The following WNT7A variants were observed in gnomAD, a reference collection of about 807,000 sequenced individuals.
WNT7A encodes protein Wnt-7a.
WNT7A carries 16 observed loss-of-function variants against 28.2 expected under a neutral mutation model. That is an observed-to-expected ratio of 0.57 (90% CI 0.38 to 0.86). The LOEUF is 0.86. Among genes scored for constraint, WNT7A ranks in the 40% least tolerant of loss-of-function variants. The probability of loss-of-function intolerance (pLI) is 0.00; values close to 1 mark genes in which losing one functional copy is unlikely to be tolerated. For missense variants in WNT7A, 411 were observed against 489.7 expected, an observed-to-expected ratio of 0.84 and a Z score of 1.52; for synonymous variants, 190 against 195.9, an observed-to-expected ratio of 0.97 and a Z score of 0.25.
At chr3:13,873,752 G>T (rs4685046) in intron 2 of WNT7A, among the ~76,000 whole-genome samples, 3 of 152,058 alleles carry the variant, frequency 2.0e-5, no homozygotes, top group Non-Finnish European at 4.4e-5. Flanking sequence ...AGGTCGAAAA[G>T]GTCTAGAAGA....
intron 3 of WNT7A, among the ~76,000 whole-genome samples, chr3:13,826,227 A>C (rs1417644871): frequency 1.3e-5 from 2 of 152,144 alleles, no homozygotes; most frequent in Non-Finnish European, 2.9e-5. Context: ...AGTCCTTGCC[A>C]CCTCTGAGCT....
intron 1 of WNT7A, 83 bp from the exon 2 acceptor site, chr3:13,875,256 G>A: frequency 6.9e-7 from 1 of 1,445,082 alleles, no homozygotes; most frequent in East Asian, 2.3e-5. Context: ...GTCCAGCACT[G>A]GCCACCCCAC....
intron 2 of WNT7A, among the ~76,000 whole-genome samples, chr3:13,856,451 G>A (rs370008609): frequency 1.3e-5 from 2 of 152,200 alleles, no homozygotes; most frequent in Admixed American, 6.5e-5. Context: ...TTTGGGGGTC[G>A]GGAAAGGGTA....
chr3:13,874,917 C>G, intron 2 of WNT7A, 30 bp downstream of exon 2: 1 of 1,610,980 alleles, frequency 6.2e-7, no homozygotes, highest in Non-Finnish European at 8.5e-7. Flanking sequence ...GCCGGTAAGA[C>G]TCTGCGGGGG....
At chr3:13,823,640 G>A (rs1694146033) in intron 3 of WNT7A, among the ~76,000 whole-genome samples, 1 of 152,230 alleles carries the variant, frequency 6.6e-6, no homozygotes, top group Admixed American at 6.5e-5. Context: ...CCACTGGGTT[G>A]CAGGTTAAAG....
At chr3:13,862,259 T>C (rs1694842237) in intron 2 of WNT7A, among the ~76,000 whole-genome samples, 2 of 152,256 alleles carry the variant, frequency 1.3e-5, no homozygotes, top group African/African-American at 4.8e-5. Flanking sequence ...TGACGCCCTC[T>C]GTGGTTCCAG....
At chr3:13,830,327 G>A (rs1266586570) in intron 3 of WNT7A, among the ~76,000 whole-genome samples, 1 of 152,154 alleles carries the variant, frequency 6.6e-6, no homozygotes, top group Admixed American at 6.5e-5. Context: ...TTCACAGAAA[G>A]CCATGCCTGG....
intron 2 of WNT7A, among the ~76,000 whole-genome samples, chr3:13,874,126 G>A (rs1384592969): frequency 6.6e-6 from 1 of 152,128 alleles, no homozygotes; most frequent in Non-Finnish European, 1.5e-5. Context: ...GGAGGAGGCG[G>A]CAGGATACCC....
chr3:13,827,742 T>G (rs950463927), intron 3 of WNT7A, among the ~76,000 whole-genome samples: 18 of 152,124 alleles, frequency 1.2e-4, no homozygotes, highest in Non-Finnish European at 2.1e-4. Context: ...CCACCCTCCA[T>G]AGCATTCTGA....
At chr3:13,854,833 TG>T (rs1465425725) in intron 2 of WNT7A, 30 bp from the exon 3 acceptor site, 2 of 1,609,608 alleles carry the variant, frequency 1.2e-6, no homozygotes, top group Admixed American at 1.7e-5. Context: ...GGAGACAAGT[TG>T]GGGTCAGGTC....
At chr3:13,836,230 C>A (rs906401163) in intron 3 of WNT7A, among the ~76,000 whole-genome samples, 6 of 151,346 alleles carry the variant, frequency 4.0e-5, no homozygotes, top group Non-Finnish European at 7.4e-5. Flanking sequence ...AGACAAGAGA[C>A]CCCATTGGGC....
intron 1 of WNT7A, among the ~76,000 whole-genome samples, chr3:13,876,367 A>G (rs560162842): frequency 6.6e-6 from 1 of 152,344 alleles, no homozygotes; most frequent in African/African-American, 2.4e-5. Flanking sequence ...ATCAGGCAGC[A>G]CCAGGAAGCA....
chr3:13,864,916 G>T (rs1694887103), intron 2 of WNT7A, among the ~76,000 whole-genome samples: 1 of 152,216 alleles, frequency 6.6e-6, no homozygotes, highest in Admixed American at 6.5e-5. Flanking sequence ...TGGTAATGTG[G>T]ATTAGAATGG....
intron 1 of WNT7A, chr3:13,875,941 C>G: frequency 6.6e-6 from 1 of 152,540 alleles, no homozygotes; most frequent in South Asian, 2.1e-4. Flanking sequence ...CAGGCAATGC[C>G]CTGCCCTCAA....
chr3:13,832,274 C>T (rs1387273580), intron 3 of WNT7A, among the ~76,000 whole-genome samples: 1 of 151,364 alleles, frequency 6.6e-6, no homozygotes, highest in Non-Finnish European at 1.5e-5. Flanking sequence ...CCTCCTGCTC[C>T]TCCTCTTCCT....
At chr3:13,876,323 G>A (rs746912226) in intron 1 of WNT7A, among the ~76,000 whole-genome samples, 22 of 152,208 alleles carry the variant, frequency 1.4e-4, no homozygotes, top group South Asian at 4.1e-4. Flanking sequence ...CCTGGGAAGA[G>A]GAGATGGCTG....
chr3:13,871,971 C>T (rs1247987747), intron 2 of WNT7A, among the ~76,000 whole-genome samples: 1 of 152,098 alleles, frequency 6.6e-6, no homozygotes, highest in South Asian at 2.1e-4. Context: ...CACCCCAGCC[C>T]CTCGCTGTTC....
intron 2 of WNT7A, chr3:13,863,911 A>G (rs1694871865): frequency 6.6e-6 from 1 of 152,054 alleles, no homozygotes; most frequent in Non-Finnish European, 1.5e-5. Context: ...CCTTGGGGAG[A>G]GGAGAGAGCT....
rs1478225897 is a variant in WNT7A, at chr3:13,817,465, CA to C, written c.*1478del. ...ACACACACACACACACACACACACACACACACCGGAAATGCAAACGGACACA... is the reference window on the plus strand; with the variant it reads ...ACACACACACACACACACACACACACCACACCGGAAATGCAAACGGACACA... On this transcript the variant is annotated 3_prime_UTR_variant, in exon 4 of 4. Transcript: ENST00000285018. The C allele has an allele frequency of 2.9e-3, 370 of 128,510 alleles. 2 individuals are homozygous for C. Among genetic ancestry groups the C allele is most frequent in the Non-Finnish European group, 3.0e-3 (188 of 63,162 alleles). The allele number at this position is 128,510 out of a possible 1,614,324, so 8.0% of individuals were successfully genotyped here.
Sources: allele counts gnomAD v4.1 joint callset (sites outside exome capture counted in the v4.1 genomes callset), GRCh38; gene constraint gnomAD v4.1.1; transcripts MANE v1.5; gene names NCBI Gene and HGNC (gene_info 2026-07-23, HGNC 2026-07-21).